Variants in NXPE2 observed in about 807,000 individuals in gnomAD.
The protein encoded by NXPE2 is neurexophilin and PC-esterase domain family member 2, also known as NXPE family member 2.
In NXPE2, 34 loss-of-function variants were observed where a neutral mutation model predicts 34.4. The observed-to-expected ratio is 0.99, with a 90% CI of 0.75 to 1.31. NXPE2 has a LOEUF of 1.31. Ranked by LOEUF, NXPE2 falls within the 40% of genes most tolerant of loss-of-function variation. The pLI, the probability that NXPE2 is intolerant of heterozygous loss-of-function variation, is 0.00. For synonymous variants in NXPE2, 235 were observed against 231.3 expected (o/e 1.02, Z -0.15); for missense variants, 649 against 672.5 (o/e 0.97, Z 0.39).
the NXPE2 span, among the ~76,000 whole-genome samples, chr11:114,479,363 G>A: frequency 6.6e-6 from 1 of 152,192 alleles, no homozygotes; most frequent in Admixed American, 6.6e-5. Flanking sequence ...AAGAATAAGG[G>A]TAGCTTGGAC....
downstream of NXPE2, among the ~76,000 whole-genome samples, chr11:114,707,172 A>G (rs751762038): frequency 2.6e-5 from 4 of 152,014 alleles, no homozygotes; most frequent in Non-Finnish European, 5.9e-5. Flanking sequence ...GGTTACTGCA[A>G]CCTCCACCTC....
At chr11:114,750,071 C>G in the NXPE2 span, among the ~76,000 whole-genome samples, 1 of 152,150 alleles carries the variant, frequency 6.6e-6, no homozygotes, top group Non-Finnish European at 1.5e-5. Flanking sequence ...TAGACAGGTG[C>G]TCTCTTAACT....
the NXPE2 span, among the ~76,000 whole-genome samples, chr11:114,657,522 C>T: frequency 2.0e-3 from 301 of 152,042 alleles, no homozygotes; most frequent in Non-Finnish European, 3.3e-3. Flanking sequence ...TTACTCTTAC[C>T]ACTACTTTGA....
the NXPE2 span, among the ~76,000 whole-genome samples, chr11:114,556,421 A>G: frequency 6.6e-6 from 1 of 152,142 alleles, no homozygotes; most frequent in Non-Finnish European, 1.5e-5. Flanking sequence ...ATTTGAGAGT[A>G]GATTTCAGGG....
At chr11:114,767,250 G>A in the NXPE2 span, among the ~76,000 whole-genome samples, 1 of 151,864 alleles carries the variant, frequency 6.6e-6, no homozygotes, top group Non-Finnish European at 1.5e-5. Flanking sequence ...ATTTACATTA[G>A]CTCATTTAAT....
the NXPE2 span, among the ~76,000 whole-genome samples, chr11:114,628,428 C>A: frequency 1.3e-5 from 2 of 152,096 alleles, no homozygotes; most frequent in Non-Finnish European, 2.9e-5. Flanking sequence ...CTACTGGGTA[C>A]ATAACGAAAT....
rs777387216 is a variant in NXPE2 at position 114,698,537 on chromosome 11, C to G, written c.625C>G (p.Gln209Glu). Residue 209 changes from glutamine to glutamate, a missense_variant, in exon 3 of 6, where the codon CAA becomes GAA. By Grantham distance (29) the Gln-to-Glu change is conservative. Transcript: ENST00000389586. ...ATCAGCTCTCTGGAGGGCAAGGAAC[C>G]AAGGATGTGATAGGATCATCTTCAC... The part of the protein sequence containing the change: ...GVSALWRARN[Q>E]GCDRIIFTGL... The G allele has an allele frequency of 6.2e-7, 1 of 1,614,106 alleles. No homozygotes were observed. Among genetic ancestry groups the G allele is most frequent in the East Asian group, 2.2e-5 (1 of 44,868 alleles).
At chr11:114,659,187 A>G in the NXPE2 span, among the ~76,000 whole-genome samples, 1 of 152,194 alleles carries the variant, frequency 6.6e-6, no homozygotes, top group South Asian at 2.1e-4. Flanking sequence ...GTTAATCTAT[A>G]CTGTTTTAAA....
At chr11:114,539,613 A>G in the NXPE2 span, among the ~76,000 whole-genome samples, 4 of 152,164 alleles carry the variant, frequency 2.6e-5, no homozygotes, top group East Asian at 5.8e-4. Flanking sequence ...AATTTTCTGT[A>G]TTTCTAATTA....
intron 3 of NXPE2, among the ~76,000 whole-genome samples, chr11:114,703,714 T>C (rs200666884): frequency 0.17 from 15,525 of 91,946 alleles, 933 homozygotes; most frequent in Middle Eastern, 0.3. Context: ...GATAGATAGA[T>C]AGACAGACAG....
At chr11:114,790,801 G>A in the NXPE2 span, among the ~76,000 whole-genome samples, 1 of 151,614 alleles carries the variant, frequency 6.6e-6, no homozygotes, top group Non-Finnish European at 1.5e-5. Context: ...AAAAAGGAAG[G>A]AGCCTTTGCC....
At chr11:114,577,674 G>T in the NXPE2 span, among the ~76,000 whole-genome samples, 2 of 152,166 alleles carry the variant, frequency 1.3e-5, no homozygotes, top group African/African-American at 4.8e-5. Flanking sequence ...TTCCTTGGAG[G>T]ATTATGTGGT....
chr11:114,571,803 C>A, the NXPE2 span, among the ~76,000 whole-genome samples: 1 of 152,254 alleles, frequency 6.6e-6, no homozygotes, highest in South Asian at 2.1e-4. Context: ...AATCCATAGA[C>A]CCTTTGAAGG....
At chr11:114,743,881 A>G in the NXPE2 span, among the ~76,000 whole-genome samples, 2 of 151,288 alleles carry the variant, frequency 1.3e-5, no homozygotes, top group Non-Finnish European at 2.9e-5. Flanking sequence ...ATATGTGTAC[A>G]TGTGTATATA....
chr11:114,508,497 A>G, the NXPE2 span, among the ~76,000 whole-genome samples: 1 of 152,232 alleles, frequency 6.6e-6, no homozygotes, highest in Non-Finnish European at 1.5e-5. Flanking sequence ...AAACTATACT[A>G]CAGGGCTACA....
the NXPE2 span, among the ~76,000 whole-genome samples, chr11:114,648,082 T>C: frequency 6.6e-6 from 1 of 152,206 alleles, no homozygotes; most frequent in African/African-American, 2.4e-5. Context: ...GTCTTTGCCC[T>C]GGTTCCTGAG....
chr11:114,527,798 T>G, the NXPE2 span: 91 of 1,433,916 alleles, frequency 6.3e-5, no homozygotes, highest in Admixed American at 3.5e-4. Flanking sequence ...CTGATAAAAG[T>G]TTCCTCTGAG....
the NXPE2 span, among the ~76,000 whole-genome samples, chr11:114,621,485 T>C: frequency 6.9e-6 from 1 of 145,808 alleles, no homozygotes; most frequent in Non-Finnish European, 1.5e-5. Context: ...ATGGGTAACC[T>C]CTATTACTCA....
chr11:114,575,122 G>A, the NXPE2 span, among the ~76,000 whole-genome samples: 1,186 of 152,102 alleles, frequency 7.8e-3, 17 homozygotes, highest in Non-Finnish European at 7.4e-3. Flanking sequence ...CACAGAAAAA[G>A]CATTTGAGAA....
Sources: allele counts gnomAD v4.1 joint callset (sites outside exome capture counted in the v4.1 genomes callset), GRCh38; gene constraint gnomAD v4.1.1; transcripts MANE v1.5; gene names NCBI Gene and HGNC (gene_info 2026-07-23, HGNC 2026-07-21).